MAN2A1: variants seen among roughly 807,000 people sequenced by gnomAD.
The protein encoded by MAN2A1 is mannosidase alpha class 2A member 1, also known as alpha-mannosidase 2.
MAN2A1 carries 76 observed loss-of-function variants against 142.6 expected under a neutral mutation model. That is an observed-to-expected ratio of 0.53 (90% CI 0.44 to 0.65). MAN2A1 has a LOEUF of 0.65. MAN2A1 is among the 30% of genes least tolerant of loss of function. The pLI is 0.00. For synonymous variants in MAN2A1, 559 were observed against 473.2 expected (o/e 1.18, Z -2.35); for missense variants, 1,311 against 1,365.1 (o/e 0.96, Z 0.62).
In MAN2A1 at chr5:109,765,960, T is replaced by G. The variant is rs114117180; in HGVS notation, c.836-1575T>G. ...GAATAAGCTATTTCTTTCAGGTTTTTTTTTCTTTGTAAAATGATTGGTATG... is the reference window on the plus strand; with the variant it reads ...GAATAAGCTATTTCTTTCAGGTTTTGTTTTCTTTGTAAAATGATTGGTATG... On this transcript the variant is annotated intron_variant, in intron 5 of 21. Coordinates refer to ENST00000261483, the MANE Select transcript of MAN2A1 (RefSeq NM_002372.4). 5.4e-3 allele frequency among the ~76,000 whole-genome samples: 819 copies of G among 152,234 alleles called. 3 individuals are homozygous for G. Among genetic ancestry groups the G allele is most frequent in the African/African-American group, 0.019 (798 of 41,556 alleles).
intron 20 of MAN2A1, among the ~76,000 whole-genome samples, chr5:109,860,999 A>G (rs1204701755): frequency 1.3e-5 from 2 of 152,174 alleles, no homozygotes; most frequent in Non-Finnish European, 2.9e-5. Context: ...CTAGGTATCT[A>G]TGAGCACAAA....
intron 4 of MAN2A1, among the ~76,000 whole-genome samples, chr5:109,753,254 A>G (rs1018513257): frequency 2.0e-5 from 3 of 152,234 alleles, no homozygotes; most frequent in Non-Finnish European, 4.4e-5. Context: ...TTTGGTCCAT[A>G]GCCTCTAGAC....
At position 109,819,867 on chromosome 5, in the gene MAN2A1, G is replaced by T. The variant is rs775656433; in HGVS notation, c.2308G>T (p.Asp770Tyr). 1.3e-6 allele frequency: 2 copies of T among 1,592,824 alleles called. No individual in the cohort carries two copies. Among genetic ancestry groups the T allele is most frequent in the South Asian group, 2.3e-5 (2 of 87,344 alleles). Residue 770 changes from aspartate (D) to tyrosine (Y), a missense_variant, in exon 14 of 22, where the codon GAT becomes TAT. By Grantham distance (160) the Asp-to-Tyr change is radical. This residue lies in a region of MAN2A1 where 890 missense variants were observed against 920.5 expected (regional missense o/e 0.97). Coordinates refer to ENST00000261483, the MANE Select transcript of MAN2A1 (RefSeq NM_002372.4). The stretch of plus-strand genomic sequence containing the variant: ...GAACTCCTTTGTTTTACTTCGGTTT[G>T]ATCAAACTGGACTTATGAAGGTATG... The part of the protein sequence containing the change: ...LENSFVLLRF[D>Y]QTGLMKQMMT...
At chr5:109,704,215 G>T (rs570297260) in intron 1 of MAN2A1, among the ~76,000 whole-genome samples, 1 of 152,288 alleles carries the variant, frequency 6.6e-6, no homozygotes, top group African/African-American at 2.4e-5. Context: ...CAGTCATTTG[G>T]CACTCTTACC....
chr5:109,781,963 T>A (rs147170318), intron 9 of MAN2A1, among the ~76,000 whole-genome samples: 207 of 152,250 alleles, frequency 1.4e-3, no homozygotes, highest in African/African-American at 4.7e-3. Flanking sequence ...AGGCTTCTCA[T>A]TGGAAACATA....
chr5:109,702,727 CCT>C (rs1387259182), intron 1 of MAN2A1, among the ~76,000 whole-genome samples: 2 of 152,138 alleles, frequency 1.3e-5, no homozygotes, highest in African/African-American at 4.8e-5. Context: ...AAATTTGTAT[CCT>C]TAACTCATCT....
At chr5:109,755,577 T>TGAC in intron 5 of MAN2A1, 121 bp downstream of exon 5, 1 of 732,700 alleles carries the variant, frequency 1.4e-6, no homozygotes, top group Non-Finnish European at 2.2e-6. Flanking sequence ...TGTTGAATAA[T>TGAC]TTATTCTTCA....
chr5:109,832,170 T>C (rs1021215050), intron 16 of MAN2A1, among the ~76,000 whole-genome samples: 1 of 145,188 alleles, frequency 6.9e-6, no homozygotes, highest in Admixed American at 6.8e-5. Context: ...TCTTTTTTTT[T>C]TTTTTTTTTT....
chr5:109,787,903 T>C (rs1753635568), intron 10 of MAN2A1, among the ~76,000 whole-genome samples: 1 of 151,932 alleles, frequency 6.6e-6, no homozygotes, highest in Non-Finnish European at 1.5e-5. Context: ...CTCAAATCCA[T>C]AAGATTTTAG....
intron 20 of MAN2A1, among the ~76,000 whole-genome samples, chr5:109,861,392 G>A (rs991759600): frequency 6.6e-6 from 1 of 152,172 alleles, no homozygotes; most frequent in African/African-American, 2.4e-5. Context: ...ACTTATTCCT[G>A]ATATTTTAGG....
intron 15 of MAN2A1, among the ~76,000 whole-genome samples, chr5:109,823,266 A>G (rs1328201744): frequency 6.6e-6 from 1 of 152,292 alleles, no homozygotes; most frequent in South Asian, 2.1e-4. Flanking sequence ...TGATTAAACT[A>G]TGTTTCTGAA....
rs1218729753 is a variant in MAN2A1, at chr5:109,869,347, G to A, written c.*2349G>A. On this transcript the variant is annotated 3_prime_UTR_variant, in exon 22 of 22. Coordinates refer to ENST00000261483, the MANE Select transcript of MAN2A1 (RefSeq NM_002372.4). ...ATTTTAGTTTGAGTTTGTGACTGCA[G>A]TGTTCAAGAACTCAGCATCCTTGTT... is the stretch of plus-strand genomic sequence containing the variant. 5 of 152,286 alleles carry A rather than the reference G, an allele frequency of 3.3e-5. No homozygotes were observed. Among genetic ancestry groups the A allele is most frequent in the Admixed American group, 2.0e-4 (3 of 15,298 alleles). The allele number at this position is 152,286 out of a possible 1,614,324, so 9.4% of individuals were successfully genotyped here.
rs992765014 is a variant in MAN2A1, at chr5:109,689,980, C to G, written c.-438C>G. ...TGCGCGGCCCCGGCCCGGGAGCTGCCGAACCCGCGCCTCCCCTGGGTGAGG... is the reference window on the plus strand; with the variant it reads ...TGCGCGGCCCCGGCCCGGGAGCTGCGGAACCCGCGCCTCCCCTGGGTGAGG... On this transcript the variant is annotated 5_prime_UTR_variant, in exon 1 of 22. Coordinates refer to ENST00000261483, the MANE Select transcript of MAN2A1 (RefSeq NM_002372.4). 3 of 173,764 alleles carry G rather than the reference C, an allele frequency of 1.7e-5. No individual in the cohort carries two copies. The highest frequency in any genetic ancestry group is 1.2e-4 in the South Asian group (1 of 8,052). The allele number at this position is 173,764 out of a possible 1,614,324, so 10.8% of individuals were successfully genotyped here. A position where few individuals can be genotyped will look rare whatever the true frequency, so the allele number is the denominator to read the frequency against.
At chr5:109,790,465 GATA>G (rs1753709832) in intron 12 of MAN2A1, among the ~76,000 whole-genome samples, 1 of 151,810 alleles carries the variant, frequency 6.6e-6, no homozygotes, top group Non-Finnish European at 1.5e-5. Flanking sequence ...CTTAGAACGA[GATA>G]ATAAGTTTTT....
chr5:109,702,349 GTGTC>G lies in MAN2A1; in HGVS notation c.136-11167_136-11164del, dbSNP rs1452363918. On this transcript the variant is annotated intron_variant, in intron 1 of 21. Coordinates refer to ENST00000261483, the MANE Select transcript of MAN2A1 (RefSeq NM_002372.4). ...TGTGTGTGTGTGTGTGTGTGTGTGT[GTGTC>G]TGTGTGTGTAGGGAGGATGGGCAGC... is the stretch of plus-strand genomic sequence containing the variant. Among the ~76,000 whole-genome samples the G allele has an allele frequency of 8.4e-5, 12 of 142,788 alleles. No individual in the cohort carries two copies. The East Asian group carries it at 1.6e-3, about 19-fold the overall frequency. The allele number at this position is 142,788 out of a possible 152,430, so 93.7% of individuals were successfully genotyped here.
At chr5:109,788,872 T>C (rs1247977937) in intron 10 of MAN2A1, 62 bp from the exon 11 acceptor site, 4 of 780,674 alleles carry the variant, frequency 5.1e-6, no homozygotes, top group Middle Eastern at 3.1e-4. Flanking sequence ...GTAATGAAAC[T>C]GAAAATATTG....
At chr5:109,713,400 A>G (rs1248833366) in intron 1 of MAN2A1, 120 bp from the exon 2 acceptor site, 6 of 702,184 alleles carry the variant, frequency 8.5e-6, no homozygotes, top group Non-Finnish European at 1.3e-5. Flanking sequence ...ATAAAAGTGG[A>G]AAGTGAAGGG....
chr5:109,827,379 A>C (rs1191868376), intron 16 of MAN2A1, among the ~76,000 whole-genome samples: 1 of 152,238 alleles, frequency 6.6e-6, no homozygotes, highest in East Asian at 1.9e-4. Flanking sequence ...ATATTCTTAC[A>C]TTTCTCAGTC....
chr5:109,796,377 A>T (rs2301009), intron 12 of MAN2A1, among the ~76,000 whole-genome samples: 55,555 of 152,034 alleles, frequency 0.37, 11,188 homozygotes, highest in African/African-American at 0.54. Context: ...ACATGTATAT[A>T]TTTCATGGTA....
Sources: allele counts gnomAD v4.1 joint callset (sites outside exome capture counted in the v4.1 genomes callset), GRCh38; gene constraint gnomAD v4.1.1; regional missense constraint gnomAD v4.1.1; transcripts MANE v1.5; gene names NCBI Gene and HGNC (gene_info 2026-07-23, HGNC 2026-07-21).